Variants in CA10 observed in about 807,000 individuals in gnomAD.
The protein encoded by CA10 is carbonic anhydrase 10 (inactive).
CA10 carries 14 observed loss-of-function variants against 44.2 expected under a neutral mutation model. The ratio of observed to expected loss-of-function variants is 0.32; its 90% CI spans 0.21 to 0.50. The LOEUF is 0.50. Among genes scored for constraint, CA10 ranks in the 20% least tolerant of loss-of-function variants. The pLI is 0.99. For synonymous variants in CA10, 159 were observed against 141.6 expected (o/e 1.12, Z -0.87); for missense variants, 350 against 409.7 (o/e 0.85, Z 1.26).
At chr17:52,051,670 A>G (rs777663750) in intron 2 of CA10, among the ~76,000 whole-genome samples, 2 of 151,974 alleles carry the variant, frequency 1.3e-5, no homozygotes, top group African/African-American at 2.4e-5. Context: ...GTGCCTATAC[A>G]TGGTTGATGG....
chr17:51,966,833 G>A (rs1356189730), intron 2 of CA10, among the ~76,000 whole-genome samples: 2 of 151,654 alleles, frequency 1.3e-5, no homozygotes, highest in African/African-American at 2.4e-5. Context: ...GTCCTTAAAA[G>A]CAACTGCAAC....
intron 2 of CA10, among the ~76,000 whole-genome samples, chr17:51,939,507 GACTATGATGAACATTTACTCT>G (rs1982994928): frequency 6.6e-6 from 1 of 152,048 alleles, no homozygotes; most frequent in Non-Finnish European, 1.5e-5. Flanking sequence ...TACTGGTAGT[GACTATGATGAACATTTACTCT>G]CCTATCGGCA....
intron 2 of CA10, among the ~76,000 whole-genome samples, chr17:52,068,088 G>T (rs189189216): frequency 6.6e-5 from 10 of 152,126 alleles, no homozygotes; most frequent in Non-Finnish European, 1.0e-4. Flanking sequence ...AAAGTGGTAC[G>T]GTAGGTTTAG....
chr17:51,965,106 G>A (rs1012470312), intron 2 of CA10, among the ~76,000 whole-genome samples: 2 of 151,766 alleles, frequency 1.3e-5, no homozygotes, highest in African/African-American at 4.8e-5. Flanking sequence ...TCCTCAGAGA[G>A]TATAATGAAC....
intron 3 of CA10, among the ~76,000 whole-genome samples, chr17:51,912,849 A>C (rs1477777190): frequency 6.6e-6 from 1 of 152,220 alleles, no homozygotes; most frequent in Non-Finnish European, 1.5e-5. Context: ...CCTTGGTAAC[A>C]AAAGGATAAA....
intron 3 of CA10, among the ~76,000 whole-genome samples, chr17:51,772,855 C>G (rs1305508008): frequency 1.3e-5 from 2 of 152,172 alleles, no homozygotes; most frequent in Admixed American, 1.3e-4. Context: ...CCCATGCTTT[C>G]TCTACCTCTC....
At chr17:51,795,370 T>C (rs722489) in intron 3 of CA10, among the ~76,000 whole-genome samples, 111,225 of 152,108 alleles carry the variant, frequency 0.73, 40,876 homozygotes, top group East Asian at 0.86. Context: ...TAATGTGTTC[T>C]GATTACCAAA....
intron 1 of CA10, among the ~76,000 whole-genome samples, chr17:52,120,040 C>T (rs1005210673): frequency 2.0e-5 from 3 of 152,158 alleles, no homozygotes; most frequent in Non-Finnish European, 4.4e-5. Flanking sequence ...GCCCATCACC[C>T]AGAGGTATCC....
intron 4 of CA10, among the ~76,000 whole-genome samples, chr17:51,689,578 C>A (rs1440897862): frequency 6.6e-6 from 1 of 152,006 alleles, no homozygotes; most frequent in Admixed American, 6.6e-5. Flanking sequence ...GAAATGATGC[C>A]ACAGAAGGAA....
intron 4 of CA10, among the ~76,000 whole-genome samples, chr17:51,733,351 C>T (rs990444524): frequency 2.0e-5 from 3 of 152,126 alleles, no homozygotes; most frequent in Non-Finnish European, 2.9e-5. Context: ...ACTGTTGTTC[C>T]GTCTCGTTTC....
Position 51,699,740 on chromosome 17 carries a change from A to G in CA10, c.466-46004T>C, listed in dbSNP as rs186554207. On this transcript the variant is annotated intron_variant, in intron 4 of 8. Coordinates refer to ENST00000451037, the MANE Select transcript of CA10 (RefSeq NM_020178.5). ...ACGGGGCATTGCTGATCTTGTTACA[A>G]TGAAATCTATTCAATGAAAAATTCT... is the stretch of plus-strand genomic sequence containing the variant. 8.2e-4 allele frequency among the ~76,000 whole-genome samples: 125 copies of G among 152,288 alleles called. 1 individual carries two copies. Among genetic ancestry groups the G allele is most frequent in the African/African-American group, 2.9e-3 (120 of 41,554 alleles).
intron 4 of CA10, among the ~76,000 whole-genome samples, chr17:51,654,632 C>T (rs1433084545): frequency 6.6e-6 from 1 of 151,706 alleles, no homozygotes; most frequent in Admixed American, 6.6e-5. Flanking sequence ...TTTCAGCTCA[C>T]TGCAACCTCC....
At chr17:51,675,548 CAA>C (rs34639980) in intron 4 of CA10, among the ~76,000 whole-genome samples, 9 of 117,910 alleles carry the variant, frequency 7.6e-5, no homozygotes, top group African/African-American at 1.3e-4. Flanking sequence ...GACTCCATCT[CAA>C]AAAAAAAAAA....
At chr17:51,869,384 G>A (rs987545384) in intron 3 of CA10, among the ~76,000 whole-genome samples, 1 of 152,126 alleles carries the variant, frequency 6.6e-6, no homozygotes, top group Non-Finnish European at 1.5e-5. Flanking sequence ...TTGTGCTGGG[G>A]GCTGAGTTGC....
chr17:51,862,007 C>T (rs954786103), intron 3 of CA10, among the ~76,000 whole-genome samples: 7 of 152,192 alleles, frequency 4.6e-5, no homozygotes, highest in Non-Finnish European at 7.3e-5. Context: ...CAGCCACCTG[C>T]TTGCTATTGC....
intron 4 of CA10, among the ~76,000 whole-genome samples, chr17:51,705,809 G>A (rs1289062441): frequency 6.6e-6 from 1 of 152,162 alleles, no homozygotes; most frequent in Non-Finnish European, 1.5e-5. Context: ...CTGACGGAGG[G>A]TAGAGGTGAC....
At chr17:51,757,259 C>T (rs760466984) in intron 3 of CA10, among the ~76,000 whole-genome samples, 4 of 152,084 alleles carry the variant, frequency 2.6e-5, no homozygotes, top group Non-Finnish European at 5.9e-5. Flanking sequence ...CACATGGGCA[C>T]TCTGGAAGCA....
At chr17:51,757,723 C>T (rs1905114988) in intron 3 of CA10, among the ~76,000 whole-genome samples, 1 of 152,206 alleles carries the variant, frequency 6.6e-6, no homozygotes, top group Non-Finnish European at 1.5e-5. Flanking sequence ...TGACATGTAT[C>T]TAGATACTGG....
At chr17:51,820,196 C>CA (rs1308466549) in intron 3 of CA10, among the ~76,000 whole-genome samples, 1 of 135,386 alleles carries the variant, frequency 7.4e-6, no homozygotes, top group African/African-American at 2.9e-5. Context: ...CCCCCCCCCC[C>CA]CCAGGTAATA....
Sources: gnomAD v4.1 joint callset for allele counts (sites outside exome capture counted in the v4.1 genomes callset) on GRCh38, gnomAD v4.1.1 for gene constraint, MANE v1.5 for transcripts, NCBI Gene and HGNC (gene_info 2026-07-23, HGNC 2026-07-21) for gene names.